SLC44A1: variants seen among roughly 807,000 people sequenced by gnomAD.
The protein encoded by SLC44A1 is choline transporter-like protein 1.
A neutral mutation model predicts 79.3 loss-of-function variants in SLC44A1; 26 were observed. The observed-to-expected ratio is 0.33, with a 90% confidence interval of 0.24 to 0.46. The LOEUF is 0.46. Among genes scored for constraint, SLC44A1 ranks in the 20% least tolerant of loss-of-function variants. The probability of loss-of-function intolerance (pLI) is 1.00; values close to 1 mark genes in which losing one functional copy is unlikely to be tolerated. For missense variants in SLC44A1, 688 were observed against 798.1 expected (o/e 0.86, Z 1.66); for synonymous variants, 263 against 286.2 (o/e 0.92, Z 0.82).
intron 3 of SLC44A1, among the ~76,000 whole-genome samples, 186 bp downstream of exon 3, chr9:105,310,052 A>G (rs921291425): frequency 5.9e-5 from 9 of 152,154 alleles, no homozygotes; most frequent in African/African-American, 1.7e-4. Flanking sequence ...TACAAATAAC[A>G]TTCTTCAGGA....
intron 1 of SLC44A1, among the ~76,000 whole-genome samples, chr9:105,264,460 C>A (rs1005411635): frequency 2.0e-5 from 3 of 152,208 alleles, no homozygotes; most frequent in African/African-American, 7.2e-5. Flanking sequence ...AGCCCTCGCA[C>A]CCTGCCTAAT....
intron 1 of SLC44A1, among the ~76,000 whole-genome samples, chr9:105,278,650 G>T (rs1323698274): frequency 1.3e-5 from 2 of 152,128 alleles, no homozygotes; most frequent in East Asian, 1.9e-4. Context: ...CAAAGTCCTG[G>T]GATTACAGGC....
At chr9:105,262,886 CA>C (rs1292184407) in intron 1 of SLC44A1, among the ~76,000 whole-genome samples, 1 of 152,024 alleles carries the variant, frequency 6.6e-6, no homozygotes, top group East Asian at 1.9e-4. Flanking sequence ...CATTTGGTTC[CA>C]AAAATGTTTT....
At chr9:105,384,798 T>A (rs1204933913) in intron 14 of SLC44A1, among the ~76,000 whole-genome samples, 1 of 152,212 alleles carries the variant, frequency 6.6e-6, no homozygotes, top group Non-Finnish European at 1.5e-5. Flanking sequence ...CCCGTAAACG[T>A]TGACAGAATA....
rs909321964 is a variant in SLC44A1, at chr9:105,396,322, G to GA, written c.*7273dup. 101 of 985,202 alleles carry GA rather than the reference G, an allele frequency of 1.0e-4. No homozygotes were observed. Among genetic ancestry groups the GA allele is most frequent in the Middle Eastern group, 5.2e-4 (1 of 1,912 alleles). 61.0% of individuals were successfully genotyped at this position (985,202 alleles called of 1,614,324 possible). On this transcript the variant is annotated 3_prime_UTR_variant, in exon 16 of 16. Transcript: ENST00000374720. ...GTTATTAACTGATTTTATTACAGGA[G>GA]AAAAAAACTTTAACAAAAAGGCAGG...
At chr9:105,352,619 G>T (rs1046703572) in intron 5 of SLC44A1, among the ~76,000 whole-genome samples, 13 of 152,152 alleles carry the variant, frequency 8.5e-5, no homozygotes, top group Non-Finnish European at 1.5e-4. Flanking sequence ...AAAACTTACT[G>T]TATATAGAAT....
chr9:105,389,392 T>C lies in SLC44A1; in HGVS notation c.*336T>C, dbSNP rs543785442. 3 of 1,054,154 alleles carry C rather than the reference T, an allele frequency of 2.8e-6. No individual in the cohort carries two copies. In the African/African-American group the frequency reaches 5.0e-5, roughly 18 times the overall value. The allele number at this position is 1,054,154 out of a possible 1,614,324, so 65.3% of individuals were successfully genotyped here. The stretch of plus-strand genomic sequence containing the variant: ...ATTTTTAATAACTTAGAGGAGATTT[T>C]AACTTTATTTAAAAATAGGTAAAAT... On this transcript the variant is annotated 3_prime_UTR_variant, in exon 16 of 16. Coordinates refer to ENST00000374720, the MANE Select transcript of SLC44A1 (RefSeq NM_080546.5).
At chr9:105,330,909 T>A (rs1173072880) in intron 3 of SLC44A1, among the ~76,000 whole-genome samples, 6 of 152,228 alleles carry the variant, frequency 3.9e-5, no homozygotes, top group African/African-American at 1.4e-4. Context: ...ACCTTTTAAG[T>A]TCAAAGCTTA....
chr9:105,361,469 G>C, intron 8 of SLC44A1, 139 bp downstream of exon 8: 1 of 808,110 alleles, frequency 1.2e-6, no homozygotes, highest in Non-Finnish European at 1.9e-6. Flanking sequence ...CATAGTGTAT[G>C]AAACACTAAA....
At chr9:105,400,527 A>G (rs1047610009), downstream of SLC44A1, among the ~76,000 whole-genome samples, 1 of 152,038 alleles carries the variant, frequency 6.6e-6, no homozygotes, top group South Asian at 2.1e-4. Flanking sequence ...TTAAACTACA[A>G]CATGTCAATG....
chr9:105,259,586 C>T lies in SLC44A1; in HGVS notation c.36+14682C>T, dbSNP rs182717004. ...TCAGCATATTTAAGAGAGTTTTATT[C>T]CTTGCTTGCTAAGCCTCAAAGTTTT... On this transcript the variant is annotated intron_variant, in intron 1 of 15. Coordinates refer to ENST00000374720, the MANE Select transcript of SLC44A1 (RefSeq NM_080546.5). 1.2e-4 allele frequency among the ~76,000 whole-genome samples: 18 copies of T among 152,298 alleles called. No homozygotes were observed. The East Asian group carries it at 3.5e-3, about 29-fold the overall frequency.
chr9:105,396,319 G>C lies in SLC44A1; in HGVS notation c.*7263G>C, dbSNP rs1828873919. ...GTGGTTATTAACTGATTTTATTACA[G>C]GAGAAAAAAACTTTAACAAAAAGGC... is the stretch of plus-strand genomic sequence containing the variant. On this transcript the variant is annotated 3_prime_UTR_variant, in exon 16 of 16. Coordinates refer to ENST00000374720, the MANE Select transcript of SLC44A1 (RefSeq NM_080546.5). The C allele has an allele frequency of 2.0e-6, 2 of 985,048 alleles. No individual in the cohort carries two copies. The highest frequency in any genetic ancestry group is 1.2e-4 in the Admixed American group (2 of 16,248). 61.0% of individuals were successfully genotyped at this position (985,048 alleles called of 1,614,324 possible).
chr9:105,355,158 GA>G (rs976471199), intron 5 of SLC44A1, among the ~76,000 whole-genome samples: 1 of 152,202 alleles, frequency 6.6e-6, no homozygotes, highest in African/African-American at 2.4e-5. Context: ...TTTATGCATG[GA>G]CATACATATG....
chr9:105,305,221 C>T (rs777914924), intron 2 of SLC44A1, among the ~76,000 whole-genome samples: 14 of 151,818 alleles, frequency 9.2e-5, no homozygotes, highest in Admixed American at 2.0e-4. Context: ...TCTCCCACCT[C>T]AGCCTCCCAA....
chr9:105,336,133 CAT>C (rs1491489357), intron 4 of SLC44A1, among the ~76,000 whole-genome samples: 3 of 133,352 alleles, frequency 2.2e-5, no homozygotes, highest in African/African-American at 3.6e-5. Flanking sequence ...TGTGTGTGTG[CAT>C]GTGTGTGTGT....
chr9:105,413,590 G>T (rs1483155173), intron 15 of SLC44A1, among the ~76,000 whole-genome samples: 1 of 152,222 alleles, frequency 6.6e-6, no homozygotes, highest in Admixed American at 6.5e-5. Context: ...CCACAGTTGG[G>T]CTTGATGTCT....
intron 2 of SLC44A1, among the ~76,000 whole-genome samples, chr9:105,307,911 G>T (rs117334066): frequency 6.6e-6 from 1 of 152,150 alleles, no homozygotes; most frequent in East Asian, 1.9e-4. Context: ...GAGGGGGAGA[G>T]GGGCAACAGG....
chr9:105,284,228 CTT>C lies in SLC44A1; in HGVS notation c.37-14974_37-14973del, dbSNP rs34449378. ...TTTCCTATTTTCTGACAAATACAGT[CTT>C]TTTTTTTTTTTTTTTTTAAGAGATA... On this transcript the variant is annotated intron_variant, in intron 1 of 15. Coordinates refer to ENST00000374720, the MANE Select transcript of SLC44A1 (RefSeq NM_080546.5). 5.3e-3 allele frequency among the ~76,000 whole-genome samples: 704 copies of C among 132,030 alleles called. 7 individuals carry two copies. The highest frequency in any genetic ancestry group is 0.017 in the African/African-American group (609 of 35,504). The allele number at this position is 132,030 out of a possible 152,430, so 86.6% of individuals were successfully genotyped here.
intron 5 of SLC44A1, 45 bp downstream of exon 5, chr9:105,348,496 T>C (rs1251975553): frequency 1.7e-6 from 2 of 1,174,154 alleles, no homozygotes; most frequent in African/African-American, 3.0e-5. Context: ...GTTGTTTTTG[T>C]AGGTAAATTT....
Sources: allele counts gnomAD v4.1 joint callset (sites outside exome capture counted in the v4.1 genomes callset), GRCh38; gene constraint gnomAD v4.1.1; transcripts MANE v1.5; gene names NCBI Gene and HGNC (gene_info 2026-07-23, HGNC 2026-07-21).